The following ASTN2 variants were observed in gnomAD, a reference collection of about 807,000 sequenced individuals.
The protein encoded by ASTN2 is astrotactin-2.
A neutral mutation model predicts 139.8 loss-of-function variants in ASTN2; 54 were observed. The ratio of observed to expected loss-of-function variants is 0.39; its 90% CI spans 0.31 to 0.48. ASTN2 has a LOEUF of 0.48. Ranked by LOEUF, ASTN2 falls within the 20% of genes least tolerant of loss-of-function variation. The pLI is 0.95. For missense variants in ASTN2, 1,565 were observed against 1,725.1 expected (o/e 0.91, Z 1.64); for synonymous variants, 756 against 719.5 (o/e 1.05, Z -0.81).
intron 11 of ASTN2, among the ~76,000 whole-genome samples, chr9:116,831,482 GT>G (rs1245203755): frequency 3.9e-5 from 6 of 152,138 alleles, no homozygotes; most frequent in Non-Finnish European, 7.4e-5. Context: ...CTAAGCAAAT[GT>G]TTTAGGAGCT....
chr9:116,737,447 G>A (rs983489363), intron 13 of ASTN2, among the ~76,000 whole-genome samples: 2 of 141,944 alleles, frequency 1.4e-5, no homozygotes, highest in Non-Finnish European at 3.0e-5. Context: ...GATTCTTAGC[G>A]CTCGTGTGTG....
At chr9:117,115,853 G>A (rs1237164492) in intron 4 of ASTN2, among the ~76,000 whole-genome samples, 4 of 151,772 alleles carry the variant, frequency 2.6e-5, no homozygotes, top group East Asian at 2.0e-4. Flanking sequence ...GTGAAAACCC[G>A]TCTCTACTAA....
chr9:116,791,157 A>G (rs1830547469), intron 13 of ASTN2, among the ~76,000 whole-genome samples: 1 of 152,178 alleles, frequency 6.6e-6, no homozygotes. Flanking sequence ...ACCCAGCCCT[A>G]TCTCCAGAGA....
intron 1 of ASTN2, among the ~76,000 whole-genome samples, chr9:117,361,493 G>A (rs1829690773): frequency 6.6e-6 from 1 of 152,120 alleles, no homozygotes; most frequent in African/African-American, 2.4e-5. Flanking sequence ...GGGAGTTGCT[G>A]TAAGAGTAAA....
chr9:117,373,262 C>T (rs1830034974), intron 1 of ASTN2, among the ~76,000 whole-genome samples: 1 of 152,120 alleles, frequency 6.6e-6, no homozygotes, highest in Non-Finnish European at 1.5e-5. Context: ...TTTTGTGATA[C>T]CCATCTGCTT....
chr9:116,479,501 TG>T (rs1329895110), intron 20 of ASTN2, among the ~76,000 whole-genome samples: 2 of 152,082 alleles, frequency 1.3e-5, no homozygotes, highest in East Asian at 3.9e-4. Flanking sequence ...ATAGGATTGT[TG>T]GGCCAGGAGC....
At chr9:117,219,466 C>T (rs139165336) in intron 2 of ASTN2, among the ~76,000 whole-genome samples, 45 of 152,198 alleles carry the variant, frequency 3.0e-4, no homozygotes, top group African/African-American at 1.1e-3. Context: ...TAAGAAGAGG[C>T]GAAATCTCCA....
chr9:116,635,003 T>C (rs912626998), intron 17 of ASTN2, among the ~76,000 whole-genome samples: 2 of 152,212 alleles, frequency 1.3e-5, no homozygotes, highest in African/African-American at 4.8e-5. Flanking sequence ...ACAACTAATA[T>C]TGATCAAGTG....
At chr9:116,665,438 C>T (rs111790496) in intron 16 of ASTN2, among the ~76,000 whole-genome samples, 1 of 152,130 alleles carries the variant, frequency 6.6e-6, no homozygotes, top group African/African-American at 2.4e-5. Flanking sequence ...TAAAAACTTA[C>T]GACTTGTTTT....
intron 22 of ASTN2, 44 bp from the exon 23 acceptor site, chr9:116,426,132 C>A: frequency 6.2e-7 from 1 of 1,602,824 alleles, no homozygotes; most frequent in South Asian, 1.1e-5. Context: ...AAGTCCAGAT[C>A]AAGAGTTAGA....
intron 11 of ASTN2, among the ~76,000 whole-genome samples, chr9:116,840,871 A>G (rs934663447): frequency 6.6e-6 from 1 of 150,964 alleles, no homozygotes; most frequent in Non-Finnish European, 1.5e-5. Flanking sequence ...GCGGCCGGGT[A>G]GAGACGCTCC....
At chr9:117,255,305 C>A (rs1240915143) in intron 2 of ASTN2, among the ~76,000 whole-genome samples, 1 of 152,188 alleles carries the variant, frequency 6.6e-6, no homozygotes, top group African/African-American at 2.4e-5. Flanking sequence ...TGAGATACGG[C>A]AGCAAACAAG....
chr9:116,651,890 G>C, intron 16 of ASTN2, 97 bp from the exon 17 acceptor site: 1 of 1,430,510 alleles, frequency 7.0e-7, no homozygotes. Flanking sequence ...TAAGAAGCTG[G>C]TATCCATTGA....
At chr9:116,994,194 A>T (rs1836946151) in intron 7 of ASTN2, among the ~76,000 whole-genome samples, 1 of 152,204 alleles carries the variant, frequency 6.6e-6, no homozygotes, top group South Asian at 2.1e-4. Context: ...TTTACAAGCC[A>T]TAGGGTTGTG....
At chr9:117,167,846 G>A (rs974130199) in intron 3 of ASTN2, among the ~76,000 whole-genome samples, 7 of 152,038 alleles carry the variant, frequency 4.6e-5, no homozygotes, top group Admixed American at 1.3e-4. Flanking sequence ...GTCAGCAAAC[G>A]TTTTCCTGAG....
At chr9:116,886,703 G>A (rs1833606863) in intron 10 of ASTN2, among the ~76,000 whole-genome samples, 1 of 151,390 alleles carries the variant, frequency 6.6e-6, no homozygotes, top group Non-Finnish European at 1.5e-5. Flanking sequence ...TTTTTAGTGG[G>A]GATAGAACTT....
intron 11 of ASTN2, among the ~76,000 whole-genome samples, chr9:116,829,110 A>T (rs911853375): frequency 2.6e-5 from 4 of 152,032 alleles, no homozygotes; most frequent in African/African-American, 9.7e-5. Flanking sequence ...ATTCAATCCA[A>T]TCCCTATCCA....
intron 2 of ASTN2, among the ~76,000 whole-genome samples, chr9:117,272,437 G>T (rs947504242): frequency 1.3e-5 from 2 of 152,190 alleles, no homozygotes; most frequent in African/African-American, 4.8e-5. Flanking sequence ...TTTTCCCCAT[G>T]GTCTTGGGGA....
intron 11 of ASTN2, among the ~76,000 whole-genome samples, chr9:116,842,077 T>C (rs568780121): frequency 6.6e-6 from 1 of 152,302 alleles, no homozygotes; most frequent in African/African-American, 2.4e-5. Context: ...GTCTGTGGTG[T>C]TACAAGTGGT....
Sources: allele counts gnomAD v4.1 joint callset (sites outside exome capture counted in the v4.1 genomes callset), GRCh38; gene constraint gnomAD v4.1.1; transcripts MANE v1.5; gene names NCBI Gene and HGNC (gene_info 2026-07-23, HGNC 2026-07-21).